The following AGMO variants were observed in gnomAD, a reference collection of about 807,000 sequenced individuals.
The protein encoded by AGMO is alkylglycerol monooxygenase, also known as glyceryl-ether monooxygenase.
In AGMO, 75 loss-of-function variants were observed where a neutral mutation model predicts 60.2. That is an observed-to-expected ratio of 1.25 (90% CI 1.03 to 1.51). The LOEUF is 1.51. AGMO is among the 40% of genes most tolerant of loss of function. The pLI is 0.00. For missense variants in AGMO, 763 were observed against 525.5 expected, an observed-to-expected ratio of 1.45 and a Z score of -4.42; for synonymous variants, 261 against 177.1, an observed-to-expected ratio of 1.47 and a Z score of -3.76.
At chr7:15,412,490 G>A in intron 5 of AGMO, among the ~76,000 whole-genome samples, 1 of 151,874 alleles carries the variant, frequency 6.6e-6, no homozygotes, top group East Asian at 1.9e-4. Flanking sequence ...TGCCCTCAAA[G>A]CCTGGCTGAC....
At chr7:15,515,458 G>C (rs1178151065) in intron 3 of AGMO, among the ~76,000 whole-genome samples, 2 of 152,172 alleles carry the variant, frequency 1.3e-5, no homozygotes, top group African/African-American at 2.4e-5. Flanking sequence ...TGAAATCCCA[G>C]AGCCCGTTAA....
At position 15,473,566 on chromosome 7, in the gene AGMO, A is replaced by C. The variant is rs562741734; in HGVS notation, c.410-42458T>G. Among the ~76,000 whole-genome samples the C allele has an allele frequency of 5.6e-4, 85 of 152,232 alleles. No individual in the cohort carries two copies. The Middle Eastern group carries it at 0.01, about 18-fold the overall frequency. On this transcript the variant is annotated intron_variant, in intron 3 of 12. Transcript: ENST00000342526. ...AGGTACTGATGGAATGTATCTCAAA[A>C]TAATAAGAGCTATTTATGGCAAACC...
intron 3 of AGMO, among the ~76,000 whole-genome samples, chr7:15,461,966 C>T (rs1782155142): frequency 6.6e-6 from 1 of 151,720 alleles, no homozygotes; most frequent in African/African-American, 2.4e-5. Flanking sequence ...ACAAATGGTC[C>T]AAATAATTCA....
chr7:15,205,984 T>C (rs1583290897), intron 12 of AGMO, among the ~76,000 whole-genome samples: 1 of 152,100 alleles, frequency 6.6e-6, no homozygotes, highest in African/African-American at 2.4e-5. Flanking sequence ...AGTACTTTTT[T>C]CCTAAATTAT....
intron 1 of AGMO, among the ~76,000 whole-genome samples, chr7:15,561,505 T>C (rs576183141): frequency 3.5e-4 from 53 of 152,186 alleles, no homozygotes; most frequent in Non-Finnish European, 6.2e-4. Context: ...GAGTGACATA[T>C]AAAAGAGGGA....
chr7:15,214,565 T>C (rs977203519), intron 12 of AGMO, among the ~76,000 whole-genome samples: 54 of 152,138 alleles, frequency 3.5e-4, no homozygotes, highest in African/African-American at 1.3e-3. Flanking sequence ...AAAGTCTATA[T>C]GCAGGTTTCT....
chr7:15,459,511 G>C (rs1484396480), intron 3 of AGMO, among the ~76,000 whole-genome samples: 1 of 151,744 alleles, frequency 6.6e-6, no homozygotes, highest in East Asian at 1.9e-4. Context: ...GTCCTGGAAT[G>C]AACTTTTCTG....
intron 3 of AGMO, among the ~76,000 whole-genome samples, chr7:15,436,703 T>C (rs1420533419): frequency 6.6e-6 from 1 of 152,128 alleles, no homozygotes; most frequent in African/African-American, 2.4e-5. Context: ...TGTTTCTCAT[T>C]GTTCTCTTTC....
At chr7:15,467,315 G>C (rs1030844379) in intron 3 of AGMO, among the ~76,000 whole-genome samples, 1 of 152,130 alleles carries the variant, frequency 6.6e-6, no homozygotes, top group African/African-American at 2.4e-5. Context: ...TAAGAGCAAG[G>C]GGTTTCTAGT....
chr7:15,224,172 G>C (rs6967180), intron 12 of AGMO, among the ~76,000 whole-genome samples: 1 of 151,372 alleles, frequency 6.6e-6, no homozygotes, highest in East Asian at 1.9e-4. Flanking sequence ...ATCAGATTAT[G>C]AGTAAAAGAA....
chr7:15,509,283 A>G (rs2128529354), intron 3 of AGMO, among the ~76,000 whole-genome samples: 1 of 152,302 alleles, frequency 6.6e-6, no homozygotes, highest in East Asian at 1.9e-4. Flanking sequence ...ATATATGGTT[A>G]ACTAATTTTC....
chr7:15,366,291 G>C (rs1462074992), intron 10 of AGMO, 69 bp from the exon 11 acceptor site: 2 of 1,267,034 alleles, frequency 1.6e-6, no homozygotes, highest in African/African-American at 3.0e-5. Flanking sequence ...AACGGTTAAA[G>C]CTTACAAAAC....
chr7:15,182,106 G>A, the AGMO span, among the ~76,000 whole-genome samples: 2 of 152,148 alleles, frequency 1.3e-5, no homozygotes, highest in African/African-American at 2.4e-5. Flanking sequence ...TCAAAAAAAG[G>A]AAAAATATTA....
chr7:15,407,114 G>A (rs926585461), intron 5 of AGMO, among the ~76,000 whole-genome samples: 2 of 143,486 alleles, frequency 1.4e-5, no homozygotes, highest in African/African-American at 2.6e-5. Context: ...GTGTGCATAT[G>A]TACACATATA....
At chr7:15,226,637 G>A (rs1295925303) in intron 12 of AGMO, among the ~76,000 whole-genome samples, 1 of 152,034 alleles carries the variant, frequency 6.6e-6, no homozygotes, top group Non-Finnish European at 1.5e-5. Context: ...CTCTGCATAA[G>A]ACCTTTATTA....
At chr7:15,494,262 A>C (rs1021103475) in intron 3 of AGMO, among the ~76,000 whole-genome samples, 1 of 152,226 alleles carries the variant, frequency 6.6e-6, no homozygotes, top group Admixed American at 6.5e-5. Flanking sequence ...AAATGAAAAC[A>C]TAAGTGGTTC....
At chr7:15,424,382 A>C (rs1244952102) in intron 4 of AGMO, among the ~76,000 whole-genome samples, 1 of 152,198 alleles carries the variant, frequency 6.6e-6, no homozygotes, top group East Asian at 1.9e-4. Context: ...AAGGAGGTTA[A>C]ATTTTTAGCC....
At chr7:15,356,030 T>C (rs1382434261) in intron 12 of AGMO, among the ~76,000 whole-genome samples, 2 of 152,174 alleles carry the variant, frequency 1.3e-5, no homozygotes, top group African/African-American at 4.8e-5. Flanking sequence ...TACAATCAGA[T>C]ACTACTTAAT....
intron 3 of AGMO, among the ~76,000 whole-genome samples, chr7:15,525,067 C>T (rs1399706896): frequency 2.0e-5 from 3 of 151,992 alleles, no homozygotes; most frequent in Non-Finnish European, 4.4e-5. Flanking sequence ...TTGGCCATGA[C>T]AAAAAGGGAA....
Sources: gnomAD v4.1 joint callset for allele counts (sites outside exome capture counted in the v4.1 genomes callset) on GRCh38, gnomAD v4.1.1 for gene constraint, MANE v1.5 for transcripts, NCBI Gene and HGNC (gene_info 2026-07-23, HGNC 2026-07-21) for gene names.